The following SPAG16 variants were observed in gnomAD, a reference collection of about 807,000 sequenced individuals.
SPAG16 encodes sperm-associated antigen 16 protein.
SPAG16 carries 86 observed loss-of-function variants against 80.4 expected under a neutral mutation model. The observed-to-expected ratio is 1.07, with a 90% confidence interval of 0.90 to 1.28. The LOEUF is 1.28. Ranked by LOEUF, SPAG16 falls within the 50% of genes most tolerant of loss-of-function variation. The probability of loss-of-function intolerance (pLI) is 0.00; values close to 1 mark genes in which losing one functional copy is unlikely to be tolerated. For synonymous variants in SPAG16, 294 were observed against 265.9 expected, an observed-to-expected ratio of 1.11 and a Z score of -1.03; for missense variants, 870 against 765.3, an observed-to-expected ratio of 1.14 and a Z score of -1.61.
chr2:213,973,067 G>C (rs1320337309), intron 12 of SPAG16, among the ~76,000 whole-genome samples: 3 of 152,220 alleles, frequency 2.0e-5, no homozygotes, highest in African/African-American at 7.2e-5. Flanking sequence ...AGCCAGCCCA[G>C]TTAAAGCTCT....
chr2:214,043,361 A>G (rs536235830), intron 13 of SPAG16, among the ~76,000 whole-genome samples: 10 of 152,286 alleles, frequency 6.6e-5, no homozygotes, highest in East Asian at 1.9e-4. Context: ...GCAAATATCT[A>G]TAGTCCATTT....
At chr2:214,201,285 G>A (rs968751561) in intron 15 of SPAG16, among the ~76,000 whole-genome samples, 7 of 152,118 alleles carry the variant, frequency 4.6e-5, no homozygotes, top group African/African-American at 1.7e-4. Context: ...AAATCTAGCT[G>A]CTAAGTGAAA....
At chr2:213,803,611 C>T (rs1277695224) in intron 10 of SPAG16, among the ~76,000 whole-genome samples, 2 of 152,146 alleles carry the variant, frequency 1.3e-5, no homozygotes, top group Non-Finnish European at 2.9e-5. Context: ...CCAGGGCTCC[C>T]AATCCAGAGC....
chr2:213,765,082 C>A (rs1243669236), intron 10 of SPAG16, among the ~76,000 whole-genome samples: 2 of 152,102 alleles, frequency 1.3e-5, no homozygotes, highest in African/African-American at 4.8e-5. Context: ...AACATTAAAA[C>A]AGAGGCCGGG....
Position 213,377,901 on chromosome 2 carries a change from ATATTTTT to A in SPAG16, c.942+2784_942+2790del, listed in dbSNP as rs1283728793. ...GATGTGTATATATATATATATATAT[ATATTTTT>A]TTTTTTTTTTCTTTAGAAGGATAGA... On this transcript the variant is annotated intron_variant, in intron 9 of 15. Transcript: ENST00000331683. Among the ~76,000 whole-genome samples, 5 of 24,854 alleles carry A rather than the reference ATATTTTT, an allele frequency of 2.0e-4. No homozygotes were observed. In the South Asian group the frequency reaches 0.027, roughly 136 times the overall value. 16.3% of individuals were successfully genotyped at this position (24,854 alleles called of 152,430 possible).
At chr2:213,911,657 A>G (rs1268149833) in intron 11 of SPAG16, among the ~76,000 whole-genome samples, 1 of 152,192 alleles carries the variant, frequency 6.6e-6, no homozygotes, top group African/African-American at 2.4e-5. Flanking sequence ...AAGAATTTTC[A>G]GAGGACTTAG....
chr2:213,602,387 C>T (rs1327099478), intron 10 of SPAG16, among the ~76,000 whole-genome samples: 1 of 152,102 alleles, frequency 6.6e-6, no homozygotes, highest in Admixed American at 6.5e-5. Context: ...TAATCCCAGC[C>T]CGTTGGGAGG....
At chr2:213,880,196 T>C (rs1180891629) in intron 11 of SPAG16, among the ~76,000 whole-genome samples, 2 of 152,220 alleles carry the variant, frequency 1.3e-5, no homozygotes, top group Admixed American at 1.3e-4. Flanking sequence ...AGTATTTAAT[T>C]GTAGTTTTAA....
intron 13 of SPAG16, among the ~76,000 whole-genome samples, chr2:214,065,057 A>T (rs1292879099): frequency 6.6e-6 from 1 of 152,066 alleles, no homozygotes; most frequent in African/African-American, 2.4e-5. Context: ...GATTCTTACA[A>T]TAAACCTATA....
intron 10 of SPAG16, among the ~76,000 whole-genome samples, chr2:213,817,739 G>A (rs2125684808): frequency 6.6e-6 from 1 of 152,150 alleles, no homozygotes; most frequent in Non-Finnish European, 1.5e-5. Flanking sequence ...AATACCACAT[G>A]TTCTCACTTA....
chr2:213,925,107 A>G (rs1013333875), intron 11 of SPAG16, among the ~76,000 whole-genome samples: 2 of 148,996 alleles, frequency 1.3e-5, no homozygotes, highest in Non-Finnish European at 3.0e-5. Context: ...TTAATAGCAC[A>G]TGAACTTTAT....
chr2:214,014,423 T>A (rs1257721458), intron 13 of SPAG16, among the ~76,000 whole-genome samples: 2 of 152,208 alleles, frequency 1.3e-5, no homozygotes, highest in Non-Finnish European at 2.9e-5. Flanking sequence ...CGAGAGATTA[T>A]TTTGATGAAA....
intron 10 of SPAG16, among the ~76,000 whole-genome samples, chr2:213,549,335 G>T (rs1272396550): frequency 6.6e-6 from 1 of 151,838 alleles, no homozygotes; most frequent in Non-Finnish European, 1.5e-5. Flanking sequence ...ATTAATAAAA[G>T]TTCAAATTTA....
intron 10 of SPAG16, among the ~76,000 whole-genome samples, chr2:213,799,181 T>C (rs1473166012): frequency 6.6e-6 from 1 of 152,188 alleles, no homozygotes; most frequent in East Asian, 1.9e-4. Context: ...ATCTTAACAA[T>C]ATTAAGTCTT....
chr2:213,426,916 T>C (rs2125461897), intron 9 of SPAG16, among the ~76,000 whole-genome samples: 1 of 151,964 alleles, frequency 6.6e-6, no homozygotes, highest in Admixed American at 6.5e-5. Flanking sequence ...TTATTTGATA[T>C]TTTGCTCCAT....
At chr2:214,333,090 G>A (rs1697038062) in intron 15 of SPAG16, among the ~76,000 whole-genome samples, 1 of 152,202 alleles carries the variant, frequency 6.6e-6, no homozygotes, top group Non-Finnish European at 1.5e-5. Flanking sequence ...CCAAGTGAAT[G>A]ACTACTGTAT....
rs79672987 is a variant in SPAG16 at position 213,491,093 on chromosome 2, A to G, written c.1070+1003A>G. Among the ~76,000 whole-genome samples the G allele has an allele frequency of 8.6e-3, 1,316 of 152,330 alleles. 21 individuals are homozygous for G. Among genetic ancestry groups the G allele is most frequent in the African/African-American group, 0.03 (1,228 of 41,576 alleles). On this transcript the variant is annotated intron_variant, in intron 10 of 15. Coordinates refer to ENST00000331683, the MANE Select transcript of SPAG16 (RefSeq NM_024532.5). ...GGTATATGTCGTGAGAACATAGCAC[A>G]TATGAATACTTCTGTCATAACCAAA...
rs1478850947 is a variant in SPAG16, at chr2:214,149,933, T to A, written c.1720+667T>A. 2.0e-5 allele frequency among the ~76,000 whole-genome samples: 3 copies of A among 152,174 alleles called. No individual in the cohort carries two copies. The South Asian group carries it at 6.2e-4, about 31-fold the overall frequency. Reference sequence around the variant, plus strand: ...ATAAGGTTAAAAATACAGTTGCATCTGCATCTTTAATGATAGAGTTTACTA... The same window carrying A: ...ATAAGGTTAAAAATACAGTTGCATCAGCATCTTTAATGATAGAGTTTACTA... On this transcript the variant is annotated intron_variant, in intron 15 of 15. Transcript: ENST00000331683.
chr2:214,325,918 C>T (rs1303424265), intron 15 of SPAG16, among the ~76,000 whole-genome samples: 1 of 152,148 alleles, frequency 6.6e-6, no homozygotes, highest in Admixed American at 6.5e-5. Context: ...AAACTGCCCT[C>T]CATGAGCATA....
Sources: gnomAD v4.1 joint callset for allele counts (sites outside exome capture counted in the v4.1 genomes callset) on GRCh38, gnomAD v4.1.1 for gene constraint, MANE v1.5 for transcripts, NCBI Gene and HGNC (gene_info 2026-07-23, HGNC 2026-07-21) for gene names.